ST6GAL1: variants seen among roughly 807,000 people sequenced by gnomAD.
ST6GAL1 encodes beta-galactoside alpha-2,6-sialyltransferase 1.
A neutral mutation model predicts 38.0 loss-of-function variants in ST6GAL1; 20 were observed. The observed-to-expected ratio is 0.53, with a 90% CI of 0.37 to 0.77. The LOEUF (loss-of-function observed/expected upper bound fraction) is 0.77. ST6GAL1 is among the 30% of genes least tolerant of loss of function. The pLI is 0.00. For synonymous variants in ST6GAL1, 196 were observed against 188.2 expected, an observed-to-expected ratio of 1.04 and a Z score of -0.34; for missense variants, 432 against 496.4, an observed-to-expected ratio of 0.87 and a Z score of 1.23.
At position 186,993,612 on chromosome 3, in the gene ST6GAL1, T is replaced by C. The variant is rs544966530; in HGVS notation, c.-183+29686T>C. On this transcript the variant is annotated intron_variant, in intron 2 of 7. Transcript: ENST00000169298. ...TATTTATTTATTTATTTATATGTTTTAGAAAACTAAGAGGCCTAGGTAAAT... is the reference window on the plus strand; with the variant it reads ...TATTTATTTATTTATTTATATGTTTCAGAAAACTAAGAGGCCTAGGTAAAT... 3.3e-5 allele frequency among the ~76,000 whole-genome samples: 5 copies of C among 150,218 alleles called. No homozygotes were observed. In the East Asian group the frequency reaches 9.7e-4, roughly 29 times the overall value.
intron 5 of ST6GAL1, among the ~76,000 whole-genome samples, chr3:187,066,789 T>C (rs1004560393): frequency 6.6e-6 from 1 of 152,158 alleles, no homozygotes; most frequent in African/African-American, 2.4e-5. Flanking sequence ...TGCCAATGAC[T>C]TATTCTCAGC....
chr3:186,996,325 A>G (rs1388378425), intron 2 of ST6GAL1, among the ~76,000 whole-genome samples: 1 of 152,170 alleles, frequency 6.6e-6, no homozygotes, highest in African/African-American at 2.4e-5. Context: ...TTATTTTGGA[A>G]TTAGGAAGAA....
intron 2 of ST6GAL1, among the ~76,000 whole-genome samples, chr3:186,990,942 C>T (rs915260602): frequency 6.6e-6 from 1 of 152,150 alleles, no homozygotes; most frequent in Non-Finnish European, 1.5e-5. Flanking sequence ...CTCCTCCACC[C>T]CTGCTTCCAG....
In ST6GAL1 at chr3:187,072,886, T is replaced by C. The variant is rs753190955; in HGVS notation, c.743T>C (p.Leu248Ser). The change falls in exon 6 of 8, where the codon TTG (leucine) becomes TCG (serine). Residue 248 changes from leucine (L) to serine (S), a missense_variant. By Grantham distance (145) the Leu-to-Ser change is moderately radical. Coordinates refer to ENST00000169298, the MANE Select transcript of ST6GAL1 (RefSeq NM_173216.2). Reference sequence around the variant, plus strand: ...GAGAAGCGCTTCCTCAAAGACAGTTTGTACAATGAAGGAATCCTAATTGTA... The same window carrying C: ...GAGAAGCGCTTCCTCAAAGACAGTTCGTACAATGAAGGAATCCTAATTGTA... ...TTEKRFLKDS[L>S]YNEGILIVWD... The C allele has an allele frequency of 2.5e-6, 4 of 1,614,106 alleles. No homozygotes were observed. The highest frequency in any genetic ancestry group is 3.4e-6 in the Non-Finnish European group (4 of 1,179,948).
intron 1 of ST6GAL1, among the ~76,000 whole-genome samples, chr3:186,957,971 T>A (rs1010676367): frequency 1.3e-5 from 2 of 151,938 alleles, no homozygotes; most frequent in Admixed American, 1.3e-4. Flanking sequence ...ATAAATGGGA[T>A]CTTCCTTTAA....
intron 5 of ST6GAL1, among the ~76,000 whole-genome samples, chr3:187,053,361 G>A (rs558801613): frequency 3.3e-5 from 5 of 152,164 alleles, no homozygotes; most frequent in Admixed American, 1.3e-4. Context: ...TTTTAGTCAT[G>A]AAGTCCTTGC....
intron 1 of ST6GAL1, among the ~76,000 whole-genome samples, chr3:186,961,927 C>T (rs1360454509): frequency 1.3e-5 from 2 of 152,196 alleles, no homozygotes; most frequent in Non-Finnish European, 2.9e-5. Context: ...CAGGAGGGCT[C>T]CTTGTGGGTG....
chr3:187,070,535 C>T (rs1719329701), intron 5 of ST6GAL1, among the ~76,000 whole-genome samples: 1 of 150,432 alleles, frequency 6.6e-6, no homozygotes, highest in Non-Finnish European at 1.5e-5. Context: ...AGTGATTCTC[C>T]TGCCTCAGCC....
At chr3:186,950,670 C>T (rs1286511236) in intron 1 of ST6GAL1, among the ~76,000 whole-genome samples, 1 of 152,190 alleles carries the variant, frequency 6.6e-6, no homozygotes, top group East Asian at 1.9e-4. Context: ...TCTGTGATTT[C>T]TGGGAAGTCC....
In ST6GAL1 at chr3:186,951,478, G is replaced by T. The variant is rs147021001; in HGVS notation, c.-324-12307G>T. On this transcript the variant is annotated intron_variant, in intron 1 of 7. Coordinates refer to ENST00000169298, the MANE Select transcript of ST6GAL1 (RefSeq NM_173216.2). ...GTGTTACTGGTGGGAATTATAACACGTATTGCTGCCTGAATTCCTCTCAAA... is the reference window on the plus strand; with the variant it reads ...GTGTTACTGGTGGGAATTATAACACTTATTGCTGCCTGAATTCCTCTCAAA... Among the ~76,000 whole-genome samples the T allele has an allele frequency of 1.6e-3, 243 of 152,280 alleles. 4 individuals are homozygous for T. Among genetic ancestry groups the T allele is most frequent in the African/African-American group, 5.7e-3 (235 of 41,554 alleles).
chr3:187,058,063 C>T (rs569944772), intron 5 of ST6GAL1, among the ~76,000 whole-genome samples: 1 of 152,354 alleles, frequency 6.6e-6, no homozygotes, highest in South Asian at 2.1e-4. Flanking sequence ...GCTGCACTAG[C>T]AGTGAGCAAG....
chr3:187,042,170 A>C (rs549192286), intron 3 of ST6GAL1, among the ~76,000 whole-genome samples: 1 of 151,796 alleles, frequency 6.6e-6, no homozygotes, highest in Non-Finnish European at 1.5e-5. Flanking sequence ...TATTTTAGGA[A>C]GTTTAGGTCT....
At chr3:187,044,653 A>G (rs1718236829) in intron 4 of ST6GAL1, among the ~76,000 whole-genome samples, 1 of 152,158 alleles carries the variant, frequency 6.6e-6, no homozygotes, top group South Asian at 2.1e-4. Context: ...GGGATATCCT[A>G]GGTATTAGCT....
At chr3:187,000,601 C>T (rs530045484) in intron 2 of ST6GAL1, among the ~76,000 whole-genome samples, 34 of 150,544 alleles carry the variant, frequency 2.3e-4, no homozygotes, top group African/African-American at 8.3e-4. Flanking sequence ...CATTGTTTTT[C>T]ATCTTTATAG....
At chr3:187,055,588 T>G (rs891861164) in intron 5 of ST6GAL1, among the ~76,000 whole-genome samples, 1 of 152,198 alleles carries the variant, frequency 6.6e-6, no homozygotes, top group African/African-American at 2.4e-5. Context: ...AGGAGCAGGT[T>G]GTTCAGTTTC....
chr3:187,064,585 C>A, intron 5 of ST6GAL1: 2 of 456,722 alleles, frequency 4.4e-6, no homozygotes, highest in Non-Finnish European at 8.8e-6. Context: ...ACACTACCCA[C>A]CCTCAAGAGA....
At chr3:186,970,242 T>A (rs1419162092) in intron 2 of ST6GAL1, among the ~76,000 whole-genome samples, 1 of 150,414 alleles carries the variant, frequency 6.6e-6, no homozygotes, top group South Asian at 2.1e-4. Flanking sequence ...TAAGACAGAG[T>A]TGCACTCTGT....
At chr3:187,067,898 C>T (rs1719223991) in intron 5 of ST6GAL1, among the ~76,000 whole-genome samples, 1 of 152,192 alleles carries the variant, frequency 6.6e-6, no homozygotes, top group Admixed American at 6.5e-5. Flanking sequence ...CCTTGAGTAT[C>T]ATCCAGCTGT....
At position 187,075,063 on chromosome 3, in the gene ST6GAL1, G is replaced by A. The variant is rs1342586051; in HGVS notation, c.980-499G>A. Among the ~76,000 whole-genome samples the A allele has an allele frequency of 6.6e-6, 1 of 152,048 alleles. No individual in the cohort carries two copies. The highest frequency in any genetic ancestry group is 2.4e-5 in the African/African-American group (1 of 41,382). On this transcript the variant is annotated intron_variant, in intron 7 of 7. Transcript: ENST00000169298. This position sits in a 1 kb window ranked among gnomAD's most constrained non-coding sequence, Gnocchi z 4.1. ...CCAGCTGTCCCTTTGCCCAGCTAAG[G>A]GAAGAAAAGTCTTCCCTCCCCAACA...
Sources: allele counts gnomAD v4.1 joint callset (sites outside exome capture counted in the v4.1 genomes callset), GRCh38; gene constraint gnomAD v4.1.1; non-coding constraint Gnocchi (gnomAD v3.1); transcripts MANE v1.5; gene names NCBI Gene and HGNC (gene_info 2026-07-23, HGNC 2026-07-21).